Variants in CFAP61 observed in about 807,000 individuals in gnomAD.
The protein encoded by CFAP61 is cilia and flagella associated protein 61, also known as cilia- and flagella-associated protein 61.
CFAP61 carries 107 observed loss-of-function variants against 135.6 expected under a neutral mutation model. The observed-to-expected ratio is 0.79, with a 90% confidence interval of 0.67 to 0.93. CFAP61 has a LOEUF of 0.93. Among genes scored for constraint, CFAP61 ranks in the 40% least tolerant of loss-of-function variants. The pLI is 0.00. For synonymous variants in CFAP61, 575 were observed against 578.5 expected (o/e 0.99, Z 0.09); for missense variants, 1,507 against 1,556.2 (o/e 0.97, Z 0.53).
At chr20:20,199,948 C>T (rs113042248) in intron 17 of CFAP61, 46 bp downstream of exon 17, 46 of 1,603,894 alleles carry the variant, frequency 2.9e-5, no homozygotes, top group African/African-American at 1.7e-4. Flanking sequence ...CCAGCTCCCG[C>T]GGGCCTGGCA....
At chr20:20,224,939 C>T (rs955336589) in intron 17 of CFAP61, among the ~76,000 whole-genome samples, 3 of 152,046 alleles carry the variant, frequency 2.0e-5, no homozygotes, top group Non-Finnish European at 2.9e-5. Context: ...TTTTTACTTT[C>T]TATGAAGGAA....
rs184033073 is a variant in CFAP61, at chr20:20,090,855, A to C, written c.578A>C (p.His193Pro). 17 of 1,614,182 alleles carry C rather than the reference A, an allele frequency of 1.1e-5. No homozygotes were observed. In the Admixed American group the frequency reaches 2.8e-4, roughly 27 times the overall value. The change falls in exon 7 of 27, where the codon CAT becomes CCT. Residue 193 changes from histidine to proline, a missense_variant. Coordinates refer to ENST00000245957, the MANE Select transcript of CFAP61 (RefSeq NM_015585.4). ...TTTCTATTAAACAGGGTGGAAGACC[A>C]TGACGATCTCATGCCAATATTTATG... ...LHVRKARVEDHDDLMPIFMRY... is the reference protein window; with the variant it reads ...LHVRKARVEDPDDLMPIFMRY...
At chr20:20,079,499 C>T (rs2046286080) in intron 6 of CFAP61, among the ~76,000 whole-genome samples, 1 of 151,982 alleles carries the variant, frequency 6.6e-6, no homozygotes, top group Admixed American at 6.6e-5. Context: ...TGAAGGGAAG[C>T]AGAGAGAGGG....
chr20:20,346,011 C>A (rs1391367915), intron 26 of CFAP61, among the ~76,000 whole-genome samples: 1 of 139,364 alleles, frequency 7.2e-6, no homozygotes, highest in African/African-American at 2.6e-5. Flanking sequence ...ACGCCATTCT[C>A]CTGCCTCAGC....
chr20:20,284,921 A>T (rs776839602), intron 22 of CFAP61, among the ~76,000 whole-genome samples: 5 of 152,178 alleles, frequency 3.3e-5, no homozygotes, highest in Non-Finnish European at 7.3e-5. Context: ...CTTTTTGAAA[A>T]TCCAAGTCTT....
chr20:20,066,745 G>A (rs6075612), intron 2 of CFAP61, among the ~76,000 whole-genome samples: 50,084 of 151,930 alleles, frequency 0.33, 9,939 homozygotes, highest in Non-Finnish European at 0.44. Flanking sequence ...GATGGGTGCA[G>A]CAAACCACAA....
In CFAP61 at chr20:20,339,786, A is replaced by T. The variant is rs80190810; in HGVS notation, c.3423-2045A>T. On this transcript the variant is annotated intron_variant, in intron 25 of 26. Transcript: ENST00000245957. ...GCATGACACATCATACCTGGTTCCT[A>T]AAACTTTTCTTAAAGCAGAATTTCT... is the stretch of plus-strand genomic sequence containing the variant. Among the ~76,000 whole-genome samples the T allele has an allele frequency of 4.7e-3, 715 of 152,288 alleles. 4 individuals are homozygous for T. Among genetic ancestry groups the T allele is most frequent in the African/African-American group, 0.017 (688 of 41,564 alleles).
chr20:20,237,967 C>T (rs2049725282), intron 18 of CFAP61, among the ~76,000 whole-genome samples: 1 of 152,166 alleles, frequency 6.6e-6, no homozygotes, highest in African/African-American at 2.4e-5. Context: ...ATTTTCAAAG[C>T]AGCACAATAT....
At chr20:20,272,531 C>T (rs1012556722) in intron 21 of CFAP61, among the ~76,000 whole-genome samples, 16 of 152,192 alleles carry the variant, frequency 1.1e-4, no homozygotes, top group Non-Finnish European at 1.3e-4. Context: ...ACAGCTATCA[C>T]GCTGTTCTGT....
intron 7 of CFAP61, chr20:20,094,439 G>C (rs1390290003): frequency 6.6e-6 from 1 of 152,212 alleles, no homozygotes; most frequent in Non-Finnish European, 1.5e-5. Flanking sequence ...GGTTTAATCA[G>C]GGTCTTTGTT....
intron 21 of CFAP61, chr20:20,265,405 T>C (rs1307648822): frequency 2.6e-6 from 2 of 779,662 alleles, no homozygotes; most frequent in African/African-American, 3.4e-5. Context: ...ATTGTCCTCT[T>C]GGTTCTCAGA....
intron 8 of CFAP61, among the ~76,000 whole-genome samples, chr20:20,110,097 G>A (rs1037674855): frequency 6.6e-6 from 1 of 151,750 alleles, no homozygotes; most frequent in African/African-American, 2.4e-5. Context: ...TAGTAGAGAC[G>A]GGGTTTCACC....
intron 25 of CFAP61, among the ~76,000 whole-genome samples, chr20:20,330,559 A>T (rs1160233456): frequency 6.6e-6 from 1 of 151,868 alleles, no homozygotes; most frequent in Non-Finnish European, 1.5e-5. Flanking sequence ...CTGGTCTCGA[A>T]CTCCTGACCT....
intron 4 of CFAP61, 88 bp downstream of exon 4, chr20:20,074,466 G>A: frequency 8.6e-7 from 1 of 1,159,718 alleles, no homozygotes. Context: ...GAAATTCTTT[G>A]GGGTGTTTAA....
intron 25 of CFAP61, among the ~76,000 whole-genome samples, chr20:20,339,265 C>T (rs1351874553): frequency 6.6e-6 from 1 of 152,004 alleles, no homozygotes; most frequent in Admixed American, 6.5e-5. Flanking sequence ...TTAAAATTCA[C>T]AATATTCATG....
chr20:20,097,715 A>G (rs1044117975), intron 7 of CFAP61, among the ~76,000 whole-genome samples: 1 of 152,220 alleles, frequency 6.6e-6, no homozygotes. Flanking sequence ...GGGAAGTTCA[A>G]CATTTGCAGA....
intron 26 of CFAP61, among the ~76,000 whole-genome samples, chr20:20,354,714 G>C (rs1383496526): frequency 6.6e-6 from 1 of 151,938 alleles, no homozygotes; most frequent in Non-Finnish European, 1.5e-5. Context: ...CACACTGTGT[G>C]AGGGGAGGTG....
chr20:20,075,733 C>T, intron 6 of CFAP61, 118 bp downstream of exon 6: 3 of 1,048,438 alleles, frequency 2.9e-6, no homozygotes, highest in Non-Finnish European at 4.2e-6. Flanking sequence ...TTTTACAATA[C>T]TCATAAGCAT....
intron 5 of CFAP61, 111 bp downstream of exon 5, chr20:20,075,367 A>C: frequency 7.0e-7 from 1 of 1,434,142 alleles, no homozygotes; most frequent in Non-Finnish European, 9.8e-7. Flanking sequence ...TCCTCAATGT[A>C]CCATGTGCAT....
Sources: allele counts gnomAD v4.1 joint callset (sites outside exome capture counted in the v4.1 genomes callset), GRCh38; gene constraint gnomAD v4.1.1; transcripts MANE v1.5; gene names NCBI Gene and HGNC (gene_info 2026-07-23, HGNC 2026-07-21).